Variants in CIB1 observed in about 807,000 individuals in gnomAD.
CIB1 encodes the protein calcium and integrin-binding protein 1.
A neutral mutation model predicts 25.0 loss-of-function variants in CIB1; 19 were observed. That is an observed-to-expected ratio of 0.76 (90% confidence interval 0.53 to 1.12). CIB1 has a LOEUF of 1.12. Ranked by LOEUF, CIB1 falls within the 50% of genes most tolerant of loss-of-function variation. CIB1 has a pLI of 0.00. For missense variants in CIB1, 236 were observed against 242.6 expected (o/e 0.97, Z 0.18); for synonymous variants, 104 against 98.5 (o/e 1.06, Z -0.33).
chr15:90,264,804 A>T, the CIB1 span: 1 of 1,535,938 alleles, frequency 6.5e-7, no homozygotes, highest in African/African-American at 1.4e-5. Flanking sequence ...AAGCAGGGCT[A>T]TTTTCTGCAA....
At chr15:90,263,568 C>G in the CIB1 span, 2 of 566,372 alleles carry the variant, frequency 3.5e-6, no homozygotes, top group Non-Finnish European at 3.1e-6. Flanking sequence ...TTTCACTATT[C>G]CCTGGGCTGG....
the CIB1 span, chr15:90,241,146 C>G: frequency 6.2e-7 from 1 of 1,614,182 alleles, no homozygotes; most frequent in South Asian, 1.1e-5. Context: ...TCGCTACCGT[C>G]TACGGGAGCT....
At chr15:90,258,047 G>C in the CIB1 span, 1 of 1,613,988 alleles carries the variant, frequency 6.2e-7, no homozygotes, top group South Asian at 1.1e-5. Flanking sequence ...GGAAGCTGTC[G>C]ACACTCAACA....
chr15:90,248,847 A>T, the CIB1 span, among the ~76,000 whole-genome samples: 1,379 of 147,830 alleles, frequency 9.3e-3, 33 homozygotes, highest in African/African-American at 0.033. Flanking sequence ...AGTTGAGCTG[A>T]GTTGGGTGGA....
the CIB1 span, chr15:90,243,658 T>TG: frequency 1.0e-5 from 1 of 95,366 alleles, no homozygotes; most frequent in Non-Finnish European, 2.4e-5. Context: ...TTTTTTTTTT[T>TG]TTTTTTTTTT....
the CIB1 span, among the ~76,000 whole-genome samples, chr15:90,256,589 CTT>C: frequency 5.4e-4 from 19 of 34,902 alleles, 1 homozygote; most frequent in African/African-American, 1.9e-3. Flanking sequence ...TTCTTTCTTT[CTT>C]TCTTTCTTTC....
At chr15:90,241,464 C>T in the CIB1 span, 2 of 1,613,608 alleles carry the variant, frequency 1.2e-6, no homozygotes, top group Non-Finnish European at 1.7e-6. Context: ...GCCGGGTGCA[C>T]TGAGGGCAGG....
the CIB1 span, chr15:90,241,954 G>C: frequency 1.2e-6 from 2 of 1,614,184 alleles, no homozygotes; most frequent in Non-Finnish European, 1.7e-6. Flanking sequence ...GACTTCAGCA[G>C]CCTGACAGAG....
At chr15:90,246,461 GA>G in the CIB1 span, among the ~76,000 whole-genome samples, 2 of 151,962 alleles carry the variant, frequency 1.3e-5, no homozygotes, top group African/African-American at 4.8e-5. Context: ...AGGATGGATG[GA>G]GTGAAGAATA....
the CIB1 span, chr15:90,258,636 G>A: frequency 8.2e-6 from 8 of 969,698 alleles, 1 homozygote; most frequent in South Asian, 1.0e-4. Flanking sequence ...CTCCCCGGCT[G>A]AGGCCATGGG....
the CIB1 span, among the ~76,000 whole-genome samples, chr15:90,246,217 G>A: frequency 6.6e-6 from 1 of 152,034 alleles, no homozygotes; most frequent in Non-Finnish European, 1.5e-5. Context: ...AGGTTGCAGT[G>A]AGCCAAGATC....
the CIB1 span, chr15:90,255,876 T>G: frequency 6.2e-7 from 1 of 1,614,102 alleles, no homozygotes; most frequent in Non-Finnish European, 8.5e-7. Flanking sequence ...ACCTGGTGCC[T>G]CCCCGCAGAG....
intron 2 of CIB1, among the ~76,000 whole-genome samples, chr15:90,232,872 G>A (rs1312269692): frequency 1.3e-5 from 2 of 151,014 alleles, no homozygotes; most frequent in African/African-American, 4.9e-5. Flanking sequence ...AGAGCCTGCA[G>A]TGAGCCAAGA....
rs1962479718 is a variant in CIB1, at chr15:90,231,231, G to A, written c.347-18C>T. 5 of 1,613,420 alleles carry A rather than the reference G, an allele frequency of 3.1e-6. No individual in the cohort carries two copies. Among genetic ancestry groups the A allele is most frequent in the Non-Finnish European group, 1.7e-6 (2 of 1,179,418 alleles). ...ATCAAAGTCTAGAGAGCAGACACAG[G>A]AAGCCAAAAGACACGGTTGGGAGGG... On this transcript the variant is annotated intron_variant, in intron 4 of 6. Coordinates refer to ENST00000328649, the MANE Select transcript of CIB1 (RefSeq NM_006384.4).
At chr15:90,247,968 C>T in the CIB1 span, among the ~76,000 whole-genome samples, 1 of 151,950 alleles carries the variant, frequency 6.6e-6, no homozygotes, top group Admixed American at 6.6e-5. Context: ...GTCTTGATCT[C>T]GTGACCTGGT....
At chr15:90,230,905 C>A in intron 6 of CIB1, 29 bp downstream of exon 6, 10 of 1,592,330 alleles carry the variant, frequency 6.3e-6, no homozygotes, top group Non-Finnish European at 8.6e-6. Flanking sequence ...CCTGCAGGTA[C>A]CCAGAATGAA....
the CIB1 span, chr15:90,253,419 T>A: frequency 1.4e-6 from 2 of 1,388,992 alleles, no homozygotes; most frequent in Non-Finnish European, 1.0e-6. Context: ...CCAGAATGAC[T>A]ATTCCCACCT....
At chr15:90,264,792 C>T in the CIB1 span, 5 of 1,536,118 alleles carry the variant, frequency 3.3e-6, no homozygotes, top group Non-Finnish European at 4.4e-6. Flanking sequence ...ACTTTAACCC[C>T]AAAGCAGGGC....
chr15:90,237,795 G>C (rs1044774413), upstream of CIB1, among the ~76,000 whole-genome samples: 1 of 151,630 alleles, frequency 6.6e-6, no homozygotes, highest in Non-Finnish European at 1.5e-5. Flanking sequence ...ATTAGAATAA[G>C]ATACTACATT....
Sources: gnomAD v4.1 joint callset for allele counts (sites outside exome capture counted in the v4.1 genomes callset) on GRCh38, gnomAD v4.1.1 for gene constraint, MANE v1.5 for transcripts, NCBI Gene and HGNC (gene_info 2026-07-23, HGNC 2026-07-21) for gene names.